CHEK1: variants seen among roughly 807,000 people sequenced by gnomAD.
CHEK1 encodes checkpoint kinase 1.
A neutral mutation model predicts 60.2 loss-of-function variants in CHEK1; 32 were observed. The observed-to-expected ratio is 0.53, with a 90% CI of 0.40 to 0.71. The LOEUF (loss-of-function observed/expected upper bound fraction) is 0.71. Ranked by LOEUF, CHEK1 falls within the 30% of genes least tolerant of loss-of-function variation. The probability of loss-of-function intolerance (pLI) is 0.00; values close to 1 mark genes in which losing one functional copy is unlikely to be tolerated. For synonymous variants in CHEK1, 179 were observed against 187.2 expected, an observed-to-expected ratio of 0.96 and a Z score of 0.36; for missense variants, 399 against 564.6, an observed-to-expected ratio of 0.71 and a Z score of 2.97.
chr11:125,670,822 T>TAA (rs1942187371), intron 13 of CHEK1, among the ~76,000 whole-genome samples: 1 of 152,224 alleles, frequency 6.6e-6, no homozygotes. Flanking sequence ...TTCTCTTCAG[T>TAA]TCCTTTGGAG....
intron 11 of CHEK1, among the ~76,000 whole-genome samples, chr11:125,647,190 G>A (rs530890307): frequency 6.6e-6 from 1 of 152,244 alleles, no homozygotes; most frequent in African/African-American, 2.4e-5. Flanking sequence ...GATGTAGGGT[G>A]CAAATTCAAA....
rs368005855 is a variant in CHEK1 at position 125,636,332 on chromosome 11, G to A, written c.718+799G>A. On this transcript the variant is annotated intron_variant, in intron 7 of 12. Transcript: ENST00000438015. ...AAAGGCTGTGATAATATTCTGCCAT[G>A]TGGATATGCCTTACTTTACTCTTTT... is the stretch of plus-strand genomic sequence containing the variant. 7.9e-5 allele frequency among the ~76,000 whole-genome samples: 12 copies of A among 151,654 alleles called. No homozygotes were observed. In the East Asian group the frequency reaches 1.5e-3, roughly 19 times the overall value.
In CHEK1 at chr11:125,653,517, T is replaced by C. The variant is rs1401410231; in HGVS notation, c.1234-229T>C. ...TGCCTGGCCTACACTCATCTGTTGT[T>C]GGATACCTAGGTTGATTCCATATCT... On this transcript the variant is annotated intron_variant, in intron 11 of 12. Transcript: ENST00000438015. The surrounding 1 kb of genome is among the most constrained non-coding windows in gnomAD (Gnocchi z 4.3). 6.6e-6 allele frequency among the ~76,000 whole-genome samples: 1 copy of C among 152,246 alleles called. No homozygotes were observed. Among genetic ancestry groups the C allele is most frequent in the Non-Finnish European group, 1.5e-5 (1 of 68,042 alleles).
intron 8 of CHEK1, chr11:125,643,555 A>T: frequency 4.5e-6 from 2 of 444,074 alleles, no homozygotes; most frequent in Non-Finnish European, 8.0e-6. Context: ...ATGTCTACAG[A>T]TCATACTTAG....
At chr11:125,675,381 G>A (rs1473432536) in intron 13 of CHEK1, among the ~76,000 whole-genome samples, 1 of 151,664 alleles carries the variant, frequency 6.6e-6, no homozygotes, top group East Asian at 1.9e-4. Context: ...TAATCTCTTT[G>A]TACACAGTTT....
rs1298017021 is a variant in CHEK1 at position 125,644,129 on chromosome 11, C to T, written c.962C>T (p.Pro321Leu). ...NVKYSSSQPEPRTGLSLWDTS... is the reference protein window; with the variant it reads ...NVKYSSSQPELRTGLSLWDTS... ...AAGTACTCCAGTTCTCAGCCAGAAC[C>T]CCGCACAGGTCTTTCCTTATGGGAT... Residue 321 changes from proline (P) to leucine (L), a missense_variant, in exon 10 of 13, where the codon CCC (proline) becomes CTC (leucine). Transcript: ENST00000438015. 1 of 1,613,736 alleles carries T rather than the reference C, an allele frequency of 6.2e-7. No individual in the cohort carries two copies. The highest frequency in any genetic ancestry group is 8.5e-7 in the Non-Finnish European group (1 of 1,179,984).
At chr11:125,651,142 T>G (rs918374802) in intron 11 of CHEK1, among the ~76,000 whole-genome samples, 8 of 152,072 alleles carry the variant, frequency 5.3e-5, no homozygotes, top group African/African-American at 1.9e-4. Context: ...ACTTCTTGGG[T>G]AGTCTGTTTG....
At position 125,653,677 on chromosome 11, in the gene CHEK1, C is replaced by T; in HGVS notation, c.1234-69C>T. Reference sequence around the variant, plus strand: ...TTTTTTGAGAAACTTCTATTCTGTTCTTCATAGTGGGTTTACTAGTTTATT... The same window carrying T: ...TTTTTTGAGAAACTTCTATTCTGTTTTTCATAGTGGGTTTACTAGTTTATT... On this transcript the variant is annotated intron_variant, in intron 11 of 12. Transcript: ENST00000438015. The surrounding 1 kb of genome is among the most constrained non-coding windows in gnomAD (Gnocchi z 4.3). 2.6e-6 allele frequency: 2 copies of T among 761,524 alleles called. No individual in the cohort carries two copies. The highest frequency in any genetic ancestry group is 4.5e-6 in the Non-Finnish European group (2 of 448,168). The allele number at this position is 761,524 out of a possible 1,614,324, so 47.2% of individuals were successfully genotyped here. A position where few individuals can be genotyped will look rare whatever the true frequency, so the allele number is the denominator to read the frequency against.
intron 7 of CHEK1, chr11:125,635,832 C>G (rs191096046): frequency 5.7e-6 from 1 of 174,840 alleles, no homozygotes; most frequent in East Asian, 1.4e-4. Context: ...CAAATACACT[C>G]GTTTGTTGCT....
rs773937190 is a variant in CHEK1 at position 125,644,514 on chromosome 11, C to G, written c.1104C>G (p.Asn368Lys). ...QLLGTPGSSQ[N>K]PWQRLVKRMT... Reference sequence around the variant, plus strand: ...TTTGTCTTCTGTTTGACATGTAGAACCCCTGGCAGCGGTTGGTCAAAAGAA... The same window carrying G: ...TTTGTCTTCTGTTTGACATGTAGAAGCCCTGGCAGCGGTTGGTCAAAAGAA... The change falls in exon 11 of 13, where the codon AAC becomes AAG. Residue 368 changes from asparagine to lysine, a missense_variant and splice_region_variant. Asn to Lys is a moderately conservative substitution (Grantham distance 94). This residue lies in a region of CHEK1 where 370 missense variants were observed against 494.8 expected (regional missense o/e 0.75). Coordinates refer to ENST00000438015, the MANE Select transcript of CHEK1 (RefSeq NM_001114122.3). 20 of 1,613,460 alleles carry G rather than the reference C, an allele frequency of 1.2e-5. No homozygotes were observed. In the South Asian group the frequency reaches 2.2e-4, roughly 18 times the overall value.
intron 6 of CHEK1, among the ~76,000 whole-genome samples, chr11:125,634,074 T>C (rs1940972895): frequency 6.8e-6 from 1 of 148,144 alleles, no homozygotes; most frequent in Admixed American, 6.8e-5. Context: ...CTCAGCTCAC[T>C]GCAACCTCTG....
At chr11:125,640,790 C>T (rs748772879) in intron 8 of CHEK1, among the ~76,000 whole-genome samples, 1 of 151,854 alleles carries the variant, frequency 6.6e-6, no homozygotes, top group Admixed American at 6.6e-5. Flanking sequence ...TGCTTTTCTA[C>T]CAAAAATACA....
At position 125,642,272 on chromosome 11, in the gene CHEK1, C is replaced by T. The variant is rs539052364; in HGVS notation, c.815-1520C>T. 3.7e-4 allele frequency among the ~76,000 whole-genome samples: 56 copies of T among 152,270 alleles called. 3 individuals are homozygous for T. The highest frequency in any genetic ancestry group is 2.1e-3 in the South Asian group (10 of 4,824). On this transcript the variant is annotated intron_variant, in intron 8 of 12. Transcript: ENST00000438015. ...TTCTTAAATTTTTAAAATTTTTACT[C>T]TCTTGTGGACATACGCAATCCAACA...
chr11:125,634,964 T>G (rs1475255497), intron 6 of CHEK1, among the ~76,000 whole-genome samples: 1 of 130,000 alleles, frequency 7.7e-6, no homozygotes, highest in Non-Finnish European at 1.7e-5. Context: ...GTTTTTTGGT[T>G]TTTTTTTTTT....
Position 125,625,893 on chromosome 11 carries a change from ACG to A in CHEK1, c.-134_-133del. The A allele has an allele frequency of 1.4e-6, 1 of 702,652 alleles. No individual in the cohort carries two copies. The highest frequency in any genetic ancestry group is 2.6e-6 in the Non-Finnish European group (1 of 385,010). The allele number at this position is 702,652 out of a possible 1,614,324, so 43.5% of individuals were successfully genotyped here. A position where few individuals can be genotyped will look rare whatever the true frequency, so the allele number is the denominator to read the frequency against. Reference sequence around the variant, plus strand: ...ACATTCAGAGGGGCAGGACACGGGAACGCGCGCTGTCTTGCTTTACGGCGCGG... The same window carrying A: ...ACATTCAGAGGGGCAGGACACGGGAACGCGCTGTCTTGCTTTACGGCGCGG... On this transcript the variant is annotated 5_prime_UTR_variant, in exon 1 of 13. Coordinates refer to ENST00000438015, the MANE Select transcript of CHEK1 (RefSeq NM_001114122.3).
Position 125,655,437 on chromosome 11 carries a change from A to G in CHEK1, c.*117A>G. On this transcript the variant is annotated 3_prime_UTR_variant, in exon 13 of 13. Coordinates refer to ENST00000438015, the MANE Select transcript of CHEK1 (RefSeq NM_001114122.3). Reference sequence around the variant, plus strand: ...GCAAATAGTAGTTCCTGAAGTGTTCACTTCCCTGTTTATCCAAACATCTTC... The same window carrying G: ...GCAAATAGTAGTTCCTGAAGTGTTCGCTTCCCTGTTTATCCAAACATCTTC... 1.7e-6 allele frequency: 1 copy of G among 589,982 alleles called. No individual in the cohort carries two copies. The highest frequency in any genetic ancestry group is 2.9e-6 in the Non-Finnish European group (1 of 348,418). 36.5% of individuals were successfully genotyped at this position (589,982 alleles called of 1,614,324 possible).
rs1244215093 is a variant in CHEK1, at chr11:125,653,153, A to G, written c.1234-593A>G. Among the ~76,000 whole-genome samples the G allele has an allele frequency of 6.6e-6, 1 of 152,144 alleles. No individual in the cohort carries two copies. Among genetic ancestry groups the G allele is most frequent in the Non-Finnish European group, 1.5e-5 (1 of 68,030 alleles). On this transcript the variant is annotated intron_variant, in intron 11 of 12. Transcript: ENST00000438015. The surrounding 1 kb of genome is among the most constrained non-coding windows in gnomAD (Gnocchi z 4.3). ...GCAAATGACAGGATTTCATTCCTTT[A>G]TATGGCTGAGTAGTATTTCATTGTG...
intron 12 of CHEK1, among the ~76,000 whole-genome samples, chr11:125,654,659 A>G (rs1941850493): frequency 6.6e-6 from 1 of 151,872 alleles, no homozygotes. Context: ...ATTTTTCTCT[A>G]TTTTCTGAGA....
chr11:125,666,514 C>T (rs1240968853), intron 13 of CHEK1, among the ~76,000 whole-genome samples: 1 of 152,156 alleles, frequency 6.6e-6, no homozygotes, highest in East Asian at 1.9e-4. Flanking sequence ...TCTGTTAGAT[C>T]TGTTTGGTCT....
Sources: allele counts gnomAD v4.1 joint callset (sites outside exome capture counted in the v4.1 genomes callset), GRCh38; gene constraint gnomAD v4.1.1; regional missense constraint gnomAD v4.1.1; non-coding constraint Gnocchi (gnomAD v3.1); transcripts MANE v1.5; gene names NCBI Gene and HGNC (gene_info 2026-07-23, HGNC 2026-07-21).